Variants in DCDC1 observed in about 807,000 individuals in gnomAD.
The protein encoded by DCDC1 is doublecortin domain containing 1, also known as doublecortin domain-containing protein 1.
In DCDC1, 200 loss-of-function variants were observed where a neutral mutation model predicts 178.3. The observed-to-expected ratio is 1.12, with a 90% CI of 1.00 to 1.26. The LOEUF (loss-of-function observed/expected upper bound fraction) is 1.26, where lower values mean the gene tolerates loss of function less well. Among genes scored for constraint, DCDC1 ranks in the 50% most tolerant of loss-of-function variants. The pLI, the probability that DCDC1 is intolerant of heterozygous loss-of-function variation, is 0.00. For missense variants in DCDC1, 1,983 were observed against 1,749.2 expected (o/e 1.13, Z -2.38); for synonymous variants, 690 against 604.8 (o/e 1.14, Z -2.07).
chr11:30,906,595 G>A lies in DCDC1; in HGVS notation c.4049C>T (p.Thr1350Ile), dbSNP rs748574537. ...PGVPFLCISG[T>I]KTQKPFLQGP... ...TTGTAAGAAGGGCTTCTGAGTCTTGGTGCCTGAAATACAGAGGAATGGAAC... is the reference window on the plus strand; with the variant it reads ...TTGTAAGAAGGGCTTCTGAGTCTTGATGCCTGAAATACAGAGGAATGGAAC... Residue 1350 changes from threonine to isoleucine, a missense_variant, in exon 30 of 39, where the codon ACC becomes ATC. Thr to Ile is a moderately conservative substitution (Grantham distance 89). Transcript: ENST00000684477. The A allele has an allele frequency of 1.9e-6, 3 of 1,613,334 alleles. No individual in the cohort carries two copies. The South Asian group carries it at 3.3e-5, about 18-fold the overall frequency.
chr11:30,964,819 A>T (rs1304094709), intron 20 of DCDC1, among the ~76,000 whole-genome samples: 1 of 152,184 alleles, frequency 6.6e-6, no homozygotes, highest in Non-Finnish European at 1.5e-5. Flanking sequence ...AGGGGCCAAT[A>T]GGCAGAATGA....
intron 11 of DCDC1, among the ~76,000 whole-genome samples, chr11:31,123,938 C>T (rs1961189021): frequency 6.6e-6 from 1 of 152,016 alleles, no homozygotes; most frequent in Non-Finnish European, 1.5e-5. Context: ...TGACTAGTGG[C>T]TACTTTACTA....
chr11:31,151,779 G>A (rs943757230), intron 9 of DCDC1, among the ~76,000 whole-genome samples: 2 of 152,132 alleles, frequency 1.3e-5, no homozygotes, highest in African/African-American at 2.4e-5. Flanking sequence ...GCATTCAAAT[G>A]TTCCTTAAAA....
chr11:30,882,804 A>G (rs1942806007), intron 36 of DCDC1: 1 of 152,246 alleles, frequency 6.6e-6, no homozygotes, highest in South Asian at 2.1e-4. Context: ...CATTGTACTC[A>G]AGGTGAAGAT....
rs1218102725 is a variant in DCDC1 at position 30,869,666 on chromosome 11, C to T, written c.*41-4334G>A. The stretch of plus-strand genomic sequence containing the variant: ...CATATAAAATGACATGAGAAAGCTG[C>T]AGGAAGAAAATGTGCAAAATCATGG... On this transcript the variant is annotated intron_variant, in intron 38 of 38. Transcript: ENST00000684477. Among the ~76,000 whole-genome samples the T allele has an allele frequency of 2.0e-5, 3 of 152,198 alleles. No homozygotes were observed. The East Asian group carries it at 5.8e-4, about 29-fold the overall frequency.
rs188331793 is a variant in DCDC1, at chr11:31,294,416, T to C, written c.755-3564A>G. ...GGCCAACATGGTGAAACCCCATCTCTACTAAAAATACAAAAAACTAGCCAG... is the reference window on the plus strand; with the variant it reads ...GGCCAACATGGTGAAACCCCATCTCCACTAAAAATACAAAAAACTAGCCAG... On this transcript the variant is annotated intron_variant, in intron 6 of 38. Transcript: ENST00000684477. 4.6e-5 allele frequency among the ~76,000 whole-genome samples: 7 copies of C among 151,276 alleles called. No individual in the cohort carries two copies. The East Asian group carries it at 1.2e-3, about 25-fold the overall frequency.
intron 20 of DCDC1, among the ~76,000 whole-genome samples, chr11:31,009,529 T>C (rs1039012087): frequency 3.3e-5 from 5 of 151,770 alleles, no homozygotes; most frequent in African/African-American, 1.2e-4. Context: ...ATGATCTTCA[T>C]GGGAAGGCTG....
At chr11:31,254,665 G>T (rs949651487) in intron 8 of DCDC1, among the ~76,000 whole-genome samples, 1 of 152,132 alleles carries the variant, frequency 6.6e-6, no homozygotes, top group African/African-American at 2.4e-5. Flanking sequence ...GGTTCTGCTG[G>T]TCTTGCCTGG....
chr11:31,131,363 G>A (rs961678747), intron 10 of DCDC1, among the ~76,000 whole-genome samples: 15 of 152,012 alleles, frequency 9.9e-5, no homozygotes, highest in Non-Finnish European at 1.0e-4. Context: ...AGTTTCTCTC[G>A]TTATCCTCCT....
chr11:30,952,268 A>T (rs1315383511), intron 21 of DCDC1, among the ~76,000 whole-genome samples, 177 bp downstream of exon 21: 1 of 152,222 alleles, frequency 6.6e-6, no homozygotes, highest in African/African-American at 2.4e-5. Flanking sequence ...GTTCATCTCC[A>T]TAATGGGAGA....
At chr11:31,170,260 T>C (rs1388045693) in intron 9 of DCDC1, among the ~76,000 whole-genome samples, 3 of 152,188 alleles carry the variant, frequency 2.0e-5, no homozygotes, top group Non-Finnish European at 4.4e-5. Flanking sequence ...GATGTCATTC[T>C]GGACCATCCA....
At chr11:31,093,078 A>G (rs1957915066) in intron 16 of DCDC1, among the ~76,000 whole-genome samples, 1 of 152,208 alleles carries the variant, frequency 6.6e-6, no homozygotes, top group Non-Finnish European at 1.5e-5. Flanking sequence ...TGGAGATGTT[A>G]TTATTATTAA....
At chr11:31,101,766 A>G (rs1437548004) in intron 15 of DCDC1, among the ~76,000 whole-genome samples, 2 of 99,548 alleles carry the variant, frequency 2.0e-5, no homozygotes, top group African/African-American at 4.9e-5. Flanking sequence ...AAACTGTAAT[A>G]TAATTTATAG....
chr11:31,213,820 A>C (rs1030189971), intron 9 of DCDC1, among the ~76,000 whole-genome samples: 3 of 152,086 alleles, frequency 2.0e-5, no homozygotes, highest in African/African-American at 7.2e-5. Context: ...TACTAATATT[A>C]CCGACTATTA....
chr11:31,109,348 T>C (rs1959053738), intron 12 of DCDC1, among the ~76,000 whole-genome samples: 1 of 151,978 alleles, frequency 6.6e-6, no homozygotes, highest in Non-Finnish European at 1.5e-5. Context: ...AATATTCTAA[T>C]GTAAAAAGCC....
chr11:30,951,569 AAAATTATT>A (rs1948426571), intron 21 of DCDC1, among the ~76,000 whole-genome samples: 1 of 152,144 alleles, frequency 6.6e-6, no homozygotes, highest in African/African-American at 2.4e-5. Flanking sequence ...GATCTAATGG[AAAATTATT>A]AAAAGATAAA....
At chr11:30,872,940 T>C (rs1941721484) in intron 38 of DCDC1, among the ~76,000 whole-genome samples, 1 of 151,842 alleles carries the variant, frequency 6.6e-6, no homozygotes, top group African/African-American at 2.4e-5. Flanking sequence ...ATCTGTCACA[T>C]TCACCTCTGC....
intron 2 of DCDC1, among the ~76,000 whole-genome samples, chr11:31,329,240 C>A (rs1949825362): frequency 6.6e-6 from 1 of 151,832 alleles, no homozygotes; most frequent in African/African-American, 2.4e-5. Context: ...GAAAGCAGAC[C>A]TAAGAGATGG....
chr11:31,366,014 C>A (rs1951939739), intron 1 of DCDC1, among the ~76,000 whole-genome samples: 1 of 152,106 alleles, frequency 6.6e-6, no homozygotes, highest in Non-Finnish European at 1.5e-5. Flanking sequence ...ATAATAACAA[C>A]AATAGCTAAC....
Sources: allele counts gnomAD v4.1 joint callset (sites outside exome capture counted in the v4.1 genomes callset), GRCh38; gene constraint gnomAD v4.1.1; transcripts MANE v1.5; gene names NCBI Gene and HGNC (gene_info 2026-07-23, HGNC 2026-07-21).